Variants in ACACA observed in about 807,000 individuals in gnomAD.
ACACA encodes acetyl-CoA carboxylase alpha.
In ACACA, 103 loss-of-function variants were observed where a neutral mutation model predicts 296.1. The ratio of observed to expected loss-of-function variants is 0.35; its 90% CI spans 0.30 to 0.41. The LOEUF (loss-of-function observed/expected upper bound fraction) is 0.41. Ranked by LOEUF, ACACA falls within the 10% of genes least tolerant of loss-of-function variation. The probability of loss-of-function intolerance (pLI) is 1.00; values close to 1 mark genes in which losing one functional copy is unlikely to be tolerated. For missense variants in ACACA, 1,554 were observed against 2,989.7 expected, an observed-to-expected ratio of 0.52 and a Z score of 11.20; for synonymous variants, 953 against 1,038.6, an observed-to-expected ratio of 0.92 and a Z score of 1.58.
chr17:37,129,373 G>C lies in ACACA; in HGVS notation c.5936C>G (p.Pro1979Arg). 1 of 1,614,064 alleles carries C rather than the reference G, an allele frequency of 6.2e-7. No individual in the cohort carries two copies. The highest frequency in any genetic ancestry group is 1.1e-5 in the South Asian group (1 of 91,068). Residue 1979 changes from proline (P) to arginine (R), a missense_variant, in exon 47 of 56, where the codon CCT (proline) becomes CGT (arginine). Pro to Arg is a moderately radical substitution (Grantham distance 103). Around this residue, in one of 16 missense-constraint regions of ACACA, gnomAD observed 553 missense variants for 1,043.6 expected, o/e 0.53. Transcript: ENST00000616317. ...YDPRWMLAGR[P>R]HPTQKGQWLS... The stretch of plus-strand genomic sequence containing the variant: ...CTCAAACATATACATACTTGGGTGA[G>C]GACGGCCTGCTAGCATCCATCGAGG...
At chr17:37,302,406 A>C (rs1302843368) in intron 3 of ACACA, among the ~76,000 whole-genome samples, 2 of 151,874 alleles carry the variant, frequency 1.3e-5, no homozygotes, top group African/African-American at 4.8e-5. Flanking sequence ...GATGGGGTTT[A>C]ACCATGTTGG....
At chr17:37,310,948 G>A (rs1231434853) in intron 3 of ACACA, among the ~76,000 whole-genome samples, 2 of 152,090 alleles carry the variant, frequency 1.3e-5, no homozygotes, top group Non-Finnish European at 2.9e-5. Context: ...TAGAATGGAG[G>A]TAACACAGGA....
intron 2 of ACACA, among the ~76,000 whole-genome samples, chr17:37,337,612 C>T (rs1427348928): frequency 1.3e-5 from 2 of 151,932 alleles, no homozygotes; most frequent in Non-Finnish European, 2.9e-5. Flanking sequence ...CATCACTATG[C>T]CTGGCTACTT....
intron 1 of ACACA, among the ~76,000 whole-genome samples, chr17:37,361,587 T>C (rs2049408131): frequency 6.6e-6 from 1 of 152,002 alleles, no homozygotes; most frequent in South Asian, 2.1e-4. Flanking sequence ...TTACAGAGGA[T>C]CTAATAATCT....
At chr17:37,241,815 G>T (rs147799804) in intron 23 of ACACA, 138 bp downstream of exon 23, 14 of 703,842 alleles carry the variant, frequency 2.0e-5, no homozygotes, top group Non-Finnish European at 2.5e-6. Context: ...ATTTAGAAAA[G>T]ACAAGGTACT....
chr17:37,301,224 C>T (rs1017304335), intron 3 of ACACA, among the ~76,000 whole-genome samples: 1 of 152,140 alleles, frequency 6.6e-6, no homozygotes, highest in Non-Finnish European at 1.5e-5. Flanking sequence ...GGTCCAAAAG[C>T]AAAGCTAGAG....
At chr17:37,204,263 C>T (rs1356016070) in intron 33 of ACACA, among the ~76,000 whole-genome samples, 1 of 152,190 alleles carries the variant, frequency 6.6e-6, no homozygotes, top group Non-Finnish European at 1.5e-5. Flanking sequence ...TTGTTTTAAG[C>T]ATGCCTATCC....
intron 1 of ACACA, among the ~76,000 whole-genome samples, chr17:37,363,003 G>C (rs982145355): frequency 6.7e-6 from 1 of 148,434 alleles, no homozygotes; most frequent in Non-Finnish European, 1.5e-5. Context: ...AAACCACCAG[G>C]GTGCTTGTTA....
At chr17:37,338,555 G>A (rs549173835) in intron 2 of ACACA, among the ~76,000 whole-genome samples, 3 of 152,114 alleles carry the variant, frequency 2.0e-5, no homozygotes, top group South Asian at 4.2e-4. Flanking sequence ...TCAGGAGGCT[G>A]AGGTAAGGAG....
At chr17:37,184,151 C>G (rs2077437073) in intron 39 of ACACA, among the ~76,000 whole-genome samples, 1 of 152,146 alleles carries the variant, frequency 6.6e-6, no homozygotes. Context: ...CATGCCCAGC[C>G]AGTCTTTTTT....
intron 52 of ACACA, among the ~76,000 whole-genome samples, chr17:37,106,965 C>T (rs1432066641): frequency 1.3e-5 from 2 of 152,272 alleles, no homozygotes; most frequent in African/African-American, 2.4e-5. Context: ...GTCACTATTG[C>T]ACTAAACTTC....
At chr17:37,096,852 T>TG (rs1164101829) in intron 54 of ACACA, 144 bp downstream of exon 54, 1 of 967,178 alleles carries the variant, frequency 1.0e-6, no homozygotes, top group African/African-American at 1.6e-5. Flanking sequence ...GGGGAGTAGC[T>TG]GGGGGAGGAA....
intron 25 of ACACA, among the ~76,000 whole-genome samples, chr17:37,229,554 C>G (rs529280680): frequency 6.6e-6 from 1 of 151,896 alleles, no homozygotes; most frequent in Non-Finnish European, 1.5e-5. Flanking sequence ...CCACCCGCCT[C>G]GGCCTCCCAA....
chr17:37,311,871 C>CAA lies in ACACA; in HGVS notation c.338+18300_338+18301dup, dbSNP rs758323265. ...TGGGTGACAGAGCAAGACCCTGTCT[C>CAA]AAAAAAAAAAAAAAAGAAGAAGAAG... On this transcript the variant is annotated intron_variant, in intron 3 of 55. Coordinates refer to ENST00000616317, the MANE Select transcript of ACACA (RefSeq NM_198834.3). 7.3e-4 allele frequency among the ~76,000 whole-genome samples: 49 copies of CAA among 67,512 alleles called. 1 individual carries two copies. The highest frequency in any genetic ancestry group is 5.5e-3 in the South Asian group (11 of 2,018). 44.3% of individuals were successfully genotyped at this position (67,512 alleles called of 152,430 possible).
chr17:37,265,109 G>C (rs534574116), intron 10 of ACACA, among the ~76,000 whole-genome samples: 1 of 152,256 alleles, frequency 6.6e-6, no homozygotes, highest in African/African-American at 2.4e-5. Context: ...AAGCTGTAAG[G>C]CCTCTTGAGG....
chr17:37,274,386 T>C, intron 8 of ACACA, 87 bp from the exon 9 acceptor site: 1 of 1,279,768 alleles, frequency 7.8e-7, no homozygotes. Context: ...AATGCTATCA[T>C]ATTTACCCAA....
intron 29 of ACACA, among the ~76,000 whole-genome samples, chr17:37,220,633 A>G (rs2079241716): frequency 6.6e-6 from 1 of 152,212 alleles, no homozygotes; most frequent in African/African-American, 2.4e-5. Context: ...TTTCTCTGCC[A>G]GCCATAAGGT....
At chr17:37,248,464 C>G (rs1296279247) in intron 17 of ACACA, 129 bp downstream of exon 17, 1 of 814,816 alleles carries the variant, frequency 1.2e-6, no homozygotes, top group South Asian at 1.4e-5. Context: ...AGGACACTGA[C>G]AAAAATAATG....
intron 45 of ACACA, among the ~76,000 whole-genome samples, chr17:37,146,956 T>C (rs2075837906): frequency 6.6e-6 from 1 of 152,032 alleles, no homozygotes; most frequent in Non-Finnish European, 1.5e-5. Context: ...CTCCTGGCTT[T>C]TGATGTGCTG....
Sources: allele counts gnomAD v4.1 joint callset (sites outside exome capture counted in the v4.1 genomes callset), GRCh38; gene constraint gnomAD v4.1.1; regional missense constraint gnomAD v4.1.1; transcripts MANE v1.5; gene names NCBI Gene and HGNC (gene_info 2026-07-23, HGNC 2026-07-21).